PCDHGA1: variants seen among roughly 807,000 people sequenced by gnomAD.
PCDHGA1 encodes protocadherin gamma-A1.
PCDHGA1 carries 32 observed loss-of-function variants against 58.0 expected under a neutral mutation model. The ratio of observed to expected loss-of-function variants is 0.55; its 90% CI spans 0.42 to 0.74. The LOEUF (loss-of-function observed/expected upper bound fraction) is 0.74. PCDHGA1 is among the 30% of genes least tolerant of loss of function. The probability of loss-of-function intolerance (pLI) is 0.00; values close to 1 mark genes in which losing one functional copy is unlikely to be tolerated. For missense variants in PCDHGA1, 1,205 were observed against 1,182.3 expected (o/e 1.02, Z -0.28); for synonymous variants, 498 against 501.1 (o/e 0.99, Z 0.08).
At position 141,404,906 on chromosome 5, in the gene PCDHGA1, C is replaced by A. The variant is rs776779922; in HGVS notation, c.2421+71801C>A. 1 of 1,613,864 alleles carries A rather than the reference C, an allele frequency of 6.2e-7. No homozygotes were observed. The highest frequency in any genetic ancestry group is 8.5e-7 in the Non-Finnish European group (1 of 1,179,858). ...GGTGGCTGTACAGGACCATGGCCAGCCCCCTCTCTCGGCCACTGTCACGCT... is the reference window on the plus strand; with the variant it reads ...GGTGGCTGTACAGGACCATGGCCAGACCCCTCTCTCGGCCACTGTCACGCT... On this transcript the variant is annotated intron_variant, in intron 1 of 3. Transcript: ENST00000517417.
At position 141,331,996 on chromosome 5, in the gene PCDHGA1, A is replaced by G; in HGVS notation, c.1312A>G (p.Ile438Val). Reference protein sequence around the residue: ...GTPALSTETHISLLVTDINDN... With the variant: ...GTPALSTETHVSLLVTDINDN... ...TCCAGCTCTATCTACTGAAACTCAC[A>G]TTTCACTACTAGTGACAGATATCAA... Residue 438 changes from isoleucine (I) to valine (V), a missense_variant, in exon 1 of 4, where the codon ATT becomes GTT. Physicochemically the swap from Ile to Val is conservative, Grantham distance 29. Transcript: ENST00000517417. 6.2e-7 allele frequency: 1 copy of G among 1,614,108 alleles called. No individual in the cohort carries two copies.
chr5:141,341,006 G>A (rs775486996), intron 1 of PCDHGA1: 7 of 1,614,014 alleles, frequency 4.3e-6, no homozygotes, highest in Non-Finnish European at 5.1e-6. Context: ...GGGCAGCCTC[G>A]AGCCCTCCGC....
chr5:141,355,451 T>G, intron 1 of PCDHGA1: 1 of 1,614,076 alleles, frequency 6.2e-7, no homozygotes. Flanking sequence ...AGCGGCACCT[T>G]GGTCACCGCG....
chr5:141,389,457 G>A, intron 1 of PCDHGA1: 1 of 1,613,220 alleles, frequency 6.2e-7, no homozygotes, highest in Non-Finnish European at 8.5e-7. Context: ...GCAGCTGCGC[G>A]CCTTCGAACT....
chr5:141,335,216 T>C (rs1170532870), intron 1 of PCDHGA1, among the ~76,000 whole-genome samples: 7 of 152,204 alleles, frequency 4.6e-5, no homozygotes. Context: ...ATTTTTTTTC[T>C]GTGTATATAC....
intron 1 of PCDHGA1, chr5:141,391,629 T>C (rs1048656119): frequency 6.6e-6 from 1 of 152,234 alleles, no homozygotes; most frequent in African/African-American, 2.4e-5. Flanking sequence ...AAGAAAGTTT[T>C]AGTCAGTGAA....
chr5:141,384,504 T>C (rs941539151), intron 1 of PCDHGA1: 1 of 1,614,048 alleles, frequency 6.2e-7, no homozygotes, highest in African/African-American at 1.3e-5. Context: ...TGACTGCACA[T>C]GACAGCGGGG....
intron 1 of PCDHGA1, chr5:141,378,037 A>G (rs898518521): frequency 1.3e-5 from 2 of 152,204 alleles, no homozygotes; most frequent in African/African-American, 4.8e-5. Flanking sequence ...TTAAAACAAG[A>G]CTTTCCTTAT....
chr5:141,477,298 T>C lies in PCDHGA1; in HGVS notation c.2422-17509T>C. ...TGGTGACCTGCGAAGTTCCACCGGG[T>C]CTCCCTTTCAGCCTTACTTCTTCCC... On this transcript the variant is annotated intron_variant, in intron 1 of 3. Coordinates refer to ENST00000517417, the MANE Select transcript of PCDHGA1 (RefSeq NM_018912.3). This position sits in a 1 kb window ranked among gnomAD's most constrained non-coding sequence, Gnocchi z 4.9. 1 of 1,613,344 alleles carries C rather than the reference T, an allele frequency of 6.2e-7. No individual in the cohort carries two copies. Among genetic ancestry groups the C allele is most frequent in the Non-Finnish European group, 8.5e-7 (1 of 1,179,870 alleles).
chr5:141,507,613 T>G (rs1003099044), intron 3 of PCDHGA1, among the ~76,000 whole-genome samples: 1 of 152,248 alleles, frequency 6.6e-6, no homozygotes, highest in African/African-American at 2.4e-5. Context: ...ACAGGTATAT[T>G]TAGCTGTTGT....
chr5:141,412,041 T>G (rs2095531468), intron 1 of PCDHGA1: 1 of 152,108 alleles, frequency 6.6e-6, no homozygotes, highest in Non-Finnish European at 1.5e-5. Context: ...GTGAAAGAAG[T>G]GAACTTCTAT....
At position 141,392,949 on chromosome 5, in the gene PCDHGA1, G is replaced by A. The variant is rs747367099; in HGVS notation, c.2421+59844G>A. On this transcript the variant is annotated intron_variant, in intron 1 of 3. Transcript: ENST00000517417. ...AGAGACGGACAAAGGCTCCTTCGTG[G>A]GTAATATCTCCAAGGACCTGGGGCT... The A allele has an allele frequency of 5.6e-6, 9 of 1,613,906 alleles. No homozygotes were observed. In the South Asian group the frequency reaches 8.8e-5, roughly 16 times the overall value.
rs549307445 is a variant in PCDHGA1, at chr5:141,400,703, G to T, written c.2421+67598G>T. On this transcript the variant is annotated intron_variant, in intron 1 of 3. Transcript: ENST00000517417. The stretch of plus-strand genomic sequence containing the variant: ...TTGTGAGTTTTTATGTCGCATAAAA[G>T]AAGTAGCCTTATAGATTTACAAAGT... 6 of 714,832 alleles carry T rather than the reference G, an allele frequency of 8.4e-6. No homozygotes were observed. In the Admixed American group the frequency reaches 1.4e-4, roughly 17 times the overall value. The allele number at this position is 714,832 out of a possible 1,614,324, so 44.3% of individuals were successfully genotyped here. A position where few individuals can be genotyped will look rare whatever the true frequency, so the allele number is the denominator to read the frequency against.
Position 141,356,825 on chromosome 5 carries a change from T to A in PCDHGA1, c.2421+23720T>A, listed in dbSNP as rs573413184. 3.1e-6 allele frequency: 5 copies of A among 1,614,132 alleles called. No homozygotes were observed. The East Asian group carries it at 8.9e-5, about 29-fold the overall frequency. On this transcript the variant is annotated intron_variant, in intron 1 of 3. Transcript: ENST00000517417. Reference sequence around the variant, plus strand: ...GCCAGTGACAGTGGAGACCCTCCACTCAGCAGCAATGTGTCACTGAGCCTC... The same window carrying A: ...GCCAGTGACAGTGGAGACCCTCCACACAGCAGCAATGTGTCACTGAGCCTC...
chr5:141,391,083 G>A (rs974357992), intron 1 of PCDHGA1: 1 of 152,152 alleles, frequency 6.6e-6, no homozygotes, highest in East Asian at 1.9e-4. Context: ...ATGTGTAACT[G>A]CCTTATCTGC....
chr5:141,449,782 T>C (rs2098655261), intron 1 of PCDHGA1, among the ~76,000 whole-genome samples: 1 of 151,720 alleles, frequency 6.6e-6, no homozygotes, highest in South Asian at 2.1e-4. Flanking sequence ...GAAATTATGT[T>C]TCTTTATTCC....
At chr5:141,441,916 C>T (rs1340767725) in intron 1 of PCDHGA1, 9 of 352,248 alleles carry the variant, frequency 2.6e-5, no homozygotes, top group Non-Finnish European at 4.9e-5. Context: ...AGATGTGAGA[C>T]ACAATGCGTG....
intron 1 of PCDHGA1, chr5:141,422,068 T>C (rs1340696188): frequency 2.5e-6 from 4 of 1,612,076 alleles, no homozygotes; most frequent in Non-Finnish European, 3.4e-6. Flanking sequence ...AGTAATGTAT[T>C]CATTTCGGAA....
At chr5:141,339,161 G>A (rs773231045) in intron 1 of PCDHGA1, 1 of 1,614,202 alleles carries the variant, frequency 6.2e-7, no homozygotes, top group South Asian at 1.1e-5. Flanking sequence ...AGAGCAGGGA[G>A]TCCGCATCGT....
Sources: allele counts gnomAD v4.1 joint callset (sites outside exome capture counted in the v4.1 genomes callset), GRCh38; gene constraint gnomAD v4.1.1; non-coding constraint Gnocchi (gnomAD v3.1); transcripts MANE v1.5; gene names NCBI Gene and HGNC (gene_info 2026-07-23, HGNC 2026-07-21).